Variants in AHCTF1 observed in about 807,000 individuals in gnomAD.
AHCTF1 encodes the protein protein ELYS.
Under a neutral mutation model 248.4 loss-of-function variants are expected in AHCTF1, and 24 were observed. That is an observed-to-expected ratio of 0.10 (90% CI 0.07 to 0.14). The LOEUF is 0.14. Ranked by LOEUF, AHCTF1 falls within the 10% of genes least tolerant of loss-of-function variation. The pLI is 1.00. For synonymous variants in AHCTF1, 786 were observed against 929.8 expected (o/e 0.85, Z 2.81); for missense variants, 2,206 against 2,636.2 (o/e 0.84, Z 3.57).
intron 2 of AHCTF1, among the ~76,000 whole-genome samples, chr1:246,917,651 A>G (rs1666238824): frequency 6.6e-6 from 1 of 152,202 alleles, no homozygotes; most frequent in African/African-American, 2.4e-5. Context: ...CTGTCAAGAG[A>G]GAAATGACTG....
chr1:246,839,191 C>G lies in AHCTF1; in HGVS notation c.*1615G>C, dbSNP rs1184751007. 6.6e-6 allele frequency: 1 copy of G among 152,036 alleles called. No individual in the cohort carries two copies. The highest frequency in any genetic ancestry group is 1.5e-5 in the Non-Finnish European group (1 of 68,010). 9.4% of individuals were successfully genotyped at this position (152,036 alleles called of 1,614,324 possible). On this transcript the variant is annotated 3_prime_UTR_variant, in exon 36 of 36. Transcript: ENST00000648844. ...AAATATATGTAAAGTTCATTTAGAA[C>G]AGGCAATTTGTTTGCTTATGATCTA...
Position 246,913,257 on chromosome 1 carries a change from G to C in AHCTF1, c.531C>G (p.Cys177Trp). The change falls in exon 4 of 36, where the codon TGC becomes TGG. Residue 177 changes from cysteine to tryptophan, a missense_variant. Cys to Trp is a radical substitution (Grantham distance 215). Around this residue, in one of 6 missense-constraint regions of AHCTF1, gnomAD observed 650 missense variants for 870.8 expected, o/e 0.75. Coordinates refer to ENST00000648844, the MANE Select transcript of AHCTF1 (RefSeq NM_001323342.2). ...LVDLCLDDLS[C>W]NQNEVEASDL... The stretch of plus-strand genomic sequence containing the variant: ...CTGATGCTTCAACTTCATTTTGATT[G>C]CATGACAAGTCATCCAAACATAGGT... The C allele has an allele frequency of 6.2e-7, 1 of 1,608,060 alleles. No homozygotes were observed. The highest frequency in any genetic ancestry group is 8.5e-7 in the Non-Finnish European group (1 of 1,176,754).
intron 1 of AHCTF1, among the ~76,000 whole-genome samples, chr1:246,920,940 A>G (rs979348221): frequency 6.6e-6 from 1 of 151,542 alleles, no homozygotes; most frequent in Admixed American, 6.6e-5. Flanking sequence ...ACCAAAAAAA[A>G]AATCAGCTGG....
intron 35 of AHCTF1, 34 bp downstream of exon 35, chr1:246,842,652 CTCAATCAA>C (rs573434409): frequency 7.8e-6 from 12 of 1,535,042 alleles, no homozygotes; most frequent in Middle Eastern, 2.2e-4. Flanking sequence ...GCGAGACTGT[CTCAATCAA>C]TCAATCAATC....
chr1:246,879,795 T>C (rs926178829), intron 21 of AHCTF1, among the ~76,000 whole-genome samples: 3 of 151,334 alleles, frequency 2.0e-5, no homozygotes, highest in Non-Finnish European at 2.9e-5. Flanking sequence ...CTCCACTAAC[T>C]CCAGCCTGGG....
chr1:246,922,316 C>T (rs1003896534), intron 1 of AHCTF1, among the ~76,000 whole-genome samples: 1 of 152,138 alleles, frequency 6.6e-6, no homozygotes, highest in Non-Finnish European at 1.5e-5. Flanking sequence ...GCAGAGATTG[C>T]ACCACTGCAC....
chr1:246,874,532 A>G (rs1444580362), intron 24 of AHCTF1, among the ~76,000 whole-genome samples: 1 of 152,156 alleles, frequency 6.6e-6, no homozygotes, highest in Non-Finnish European at 1.5e-5. Flanking sequence ...CCAACTTGAC[A>G]TGGTGGTCAT....
chr1:246,865,761 T>TAA (rs34945773), intron 26 of AHCTF1, among the ~76,000 whole-genome samples: 100,052 of 151,822 alleles, frequency 0.66, 35,139 homozygotes, highest in African/African-American at 0.91. Flanking sequence ...TTAAAGGTTC[T>TAA]GAGAAATCTT....
intron 7 of AHCTF1, among the ~76,000 whole-genome samples, chr1:246,903,645 T>C (rs1001131807): frequency 8.9e-4 from 117 of 131,034 alleles, no homozygotes; most frequent in Middle Eastern, 3.6e-3. Context: ...CTGGCCAAGA[T>C]GGTGAGACCC....
chr1:246,850,468 T>C lies in AHCTF1; in HGVS notation c.5538A>G (p.Ser1846=), dbSNP rs1660625469. 6.3e-7 allele frequency: 1 copy of C among 1,595,232 alleles called. No individual in the cohort carries two copies. Residue 1846 remains serine (S), a synonymous_variant, in exon 33 of 36, where the codon TCA becomes TCG. Transcript: ENST00000648844. ...TTGRESKRLK[S]SQLLEPAVEE... is the part of the protein sequence containing the mutation. ...CAACTGCTGGTTCCAACAGCTGAGA[T>C]GATTTTAATCTTTTTGATTCCCTAC... is the stretch of plus-strand genomic sequence containing the variant.
intron 24 of AHCTF1, among the ~76,000 whole-genome samples, chr1:246,875,628 T>A (rs1308967174): frequency 6.6e-6 from 1 of 152,158 alleles, no homozygotes; most frequent in Non-Finnish European, 1.5e-5. Flanking sequence ...CACAGCCACC[T>A]CAACCTTCAG....
chr1:246,872,156 A>C (rs1278877149), intron 24 of AHCTF1, among the ~76,000 whole-genome samples: 1 of 152,146 alleles, frequency 6.6e-6, no homozygotes, highest in Non-Finnish European at 1.5e-5. Flanking sequence ...AAAACAAAAC[A>C]AACCTTACGC....
rs1475456907 is a variant in AHCTF1 at position 246,898,264 on chromosome 1, C to T, written c.1567G>A (p.Val523Ile). The T allele has an allele frequency of 9.3e-6, 15 of 1,612,558 alleles. No homozygotes were observed. The highest frequency in any genetic ancestry group is 1.2e-5 in the Non-Finnish European group (14 of 1,179,984). The change falls in exon 12 of 36, where the codon GTA becomes ATA. Residue 523 changes from valine to isoleucine, a missense_variant. Val to Ile is a conservative substitution (Grantham distance 29). Transcript: ENST00000648844. ...LIPDGYNRCL[V>I]AGLLSPRFVD... ...AATCTTGGGGAAAGAAGGCCAGCTA[C>T]AAGACATCGATTATAACCATCAGGA... is the stretch of plus-strand genomic sequence containing the variant.
intron 33 of AHCTF1, 139 bp downstream of exon 33, chr1:246,849,476 T>G: frequency 9.4e-7 from 1 of 1,065,306 alleles, no homozygotes; most frequent in Non-Finnish European, 1.3e-6. Flanking sequence ...ACCTTTAAAC[T>G]TTACTACTAA....
intron 28 of AHCTF1, 28 bp downstream of exon 28, chr1:246,861,931 C>A (rs1661583763): frequency 1.3e-6 from 2 of 1,570,512 alleles, no homozygotes; most frequent in Non-Finnish European, 1.7e-6. Flanking sequence ...TAAAAAATGT[C>A]TTTTCTCCCA....
chr1:246,898,095 C>A, intron 12 of AHCTF1, 113 bp downstream of exon 12: 1 of 1,425,946 alleles, frequency 7.0e-7, no homozygotes, highest in Non-Finnish European at 9.7e-7. Context: ...CCAGAGTCAG[C>A]ATTACACTAC....
chr1:246,863,886 C>A (rs1661754752), intron 27 of AHCTF1, 38 bp downstream of exon 27: 3 of 1,592,926 alleles, frequency 1.9e-6, no homozygotes, highest in East Asian at 4.5e-5. Flanking sequence ...TAAGAGCCAT[C>A]TAGTTTGATT....
chr1:246,891,706 A>C, intron 15 of AHCTF1, 73 bp downstream of exon 15: 2 of 1,505,370 alleles, frequency 1.3e-6, no homozygotes, highest in Non-Finnish European at 1.8e-6. Context: ...AAGACATGGG[A>C]AATGTTATTC....
chr1:246,843,012 T>C (rs12401878), intron 34 of AHCTF1, among the ~76,000 whole-genome samples: 35,789 of 152,164 alleles, frequency 0.24, 4,427 homozygotes, highest in Admixed American at 0.29. Flanking sequence ...TATTTTTGAA[T>C]GTTTCCACTG....
Sources: allele counts gnomAD v4.1 joint callset (sites outside exome capture counted in the v4.1 genomes callset), GRCh38; gene constraint gnomAD v4.1.1; regional missense constraint gnomAD v4.1.1; transcripts MANE v1.5; gene names NCBI Gene and HGNC (gene_info 2026-07-23, HGNC 2026-07-21).